The following DLGAP2 variants were observed in gnomAD, a reference collection of about 807,000 sequenced individuals.
The protein encoded by DLGAP2 is disks large-associated protein 2.
In DLGAP2, 26 loss-of-function variants were observed where a neutral mutation model predicts 100.3. The ratio of observed to expected loss-of-function variants is 0.26; its 90% confidence interval spans 0.19 to 0.36. The LOEUF (loss-of-function observed/expected upper bound fraction) is 0.36, where lower values mean the gene tolerates loss of function less well. Ranked by LOEUF, DLGAP2 falls within the 10% of genes least tolerant of loss-of-function variation. DLGAP2 has a pLI of 1.00. For missense variants in DLGAP2, 1,858 were observed against 1,453.2 expected, an observed-to-expected ratio of 1.28 and a Z score of -4.53; for synonymous variants, 886 against 630.1, an observed-to-expected ratio of 1.41 and a Z score of -6.08.
chr8:1,212,127 T>C (rs1212944341), intron 2 of DLGAP2, among the ~76,000 whole-genome samples: 1 of 152,170 alleles, frequency 6.6e-6, no homozygotes, highest in Non-Finnish European at 1.5e-5. Flanking sequence ...ATATCGAATG[T>C]GCAGAAAAAG....
chr8:1,368,070 C>T (rs557452607), intron 3 of DLGAP2, among the ~76,000 whole-genome samples: 2 of 152,186 alleles, frequency 1.3e-5, no homozygotes, highest in Non-Finnish European at 2.9e-5. Flanking sequence ...ATACCTATCA[C>T]GGCGGCCTCC....
At chr8:750,623 T>A (rs1820765761) in intron 1 of DLGAP2, among the ~76,000 whole-genome samples, 1 of 152,230 alleles carries the variant, frequency 6.6e-6, no homozygotes, top group Non-Finnish European at 1.5e-5. Context: ...ATTTTACAGA[T>A]AATTAACGGC....
At chr8:1,243,097 A>C (rs1339969666) in intron 2 of DLGAP2, among the ~76,000 whole-genome samples, 1 of 152,046 alleles carries the variant, frequency 6.6e-6, no homozygotes, top group East Asian at 1.9e-4. Flanking sequence ...GTTTTTCCTG[A>C]CTGCTTGAAT....
intron 3 of DLGAP2, among the ~76,000 whole-genome samples, chr8:1,447,412 A>G (rs1374727566): frequency 6.6e-6 from 1 of 152,244 alleles, no homozygotes; most frequent in African/African-American, 2.4e-5. Context: ...ATGTTGAACC[A>G]TCCTTGCATC....
intron 6 of DLGAP2, among the ~76,000 whole-genome samples, chr8:1,610,392 T>G (rs1217292427): frequency 6.6e-6 from 1 of 150,728 alleles, no homozygotes; most frequent in South Asian, 2.1e-4. Context: ...CAAAGCAGTG[T>G]GTAGAGGGAA....
At chr8:1,392,169 C>T (rs17827850) in intron 3 of DLGAP2, among the ~76,000 whole-genome samples, 8,672 of 152,168 alleles carry the variant, frequency 0.057, 508 homozygotes, top group East Asian at 0.24. Context: ...AAAACAAGAC[C>T]CCTGAGTTCC....
chr8:1,234,784 A>T (rs1214700489), intron 2 of DLGAP2, among the ~76,000 whole-genome samples: 1 of 152,182 alleles, frequency 6.6e-6, no homozygotes, highest in African/African-American at 2.4e-5. Flanking sequence ...GCCTTGCGCA[A>T]CTGGGGCCTT....
At chr8:1,081,154 C>G in intron 2 of DLGAP2, among the ~76,000 whole-genome samples, 1 of 152,062 alleles carries the variant, frequency 6.6e-6, no homozygotes, top group East Asian at 1.9e-4. Context: ...ACTGTTTTCT[C>G]GTTTCTGAAA....
At position 1,182,173 on chromosome 8, in the gene DLGAP2, C is replaced by T. The variant is rs79959889; in HGVS notation, c.74-76678C>T. ...ATGTGTGGCTGCCACTTCGTTTGCA[C>T]GGGGCATCTCAGTCACGGTGCTCTA... On this transcript the variant is annotated intron_variant, in intron 2 of 14. Transcript: ENST00000637795. Among the ~76,000 whole-genome samples the T allele has an allele frequency of 9.2e-5, 14 of 152,334 alleles. No homozygotes were observed. The East Asian group carries it at 2.1e-3, about 23-fold the overall frequency.
chr8:777,265 C>A (rs1330467516), intron 1 of DLGAP2, among the ~76,000 whole-genome samples: 1 of 150,660 alleles, frequency 6.6e-6, no homozygotes, highest in Admixed American at 6.6e-5. Context: ...AGATGGGTTT[C>A]CTGAATACAG....
At chr8:1,205,928 G>A (rs1426762297) in intron 2 of DLGAP2, among the ~76,000 whole-genome samples, 1 of 152,182 alleles carries the variant, frequency 6.6e-6, no homozygotes, top group African/African-American at 2.4e-5. Flanking sequence ...TGAGGCAGGA[G>A]GATCACTTGA....
intron 2 of DLGAP2, among the ~76,000 whole-genome samples, chr8:974,708 G>T (rs1800119147): frequency 2.0e-5 from 3 of 152,014 alleles, no homozygotes; most frequent in Admixed American, 2.0e-4. Flanking sequence ...AAGTAAAAAT[G>T]AAAATTCAAC....
At position 1,685,207 on chromosome 8, in the gene DLGAP2, C is replaced by T. The variant is rs372028294; in HGVS notation, c.2705-6328C>T. Among the ~76,000 whole-genome samples, 195 of 151,860 alleles carry T rather than the reference C, an allele frequency of 1.3e-3. 2 individuals are homozygous for T. The highest frequency in any genetic ancestry group is 3.9e-3 in the African/African-American group (160 of 41,222). The stretch of plus-strand genomic sequence containing the variant: ...CAGCGGTCAGCAGCTGACAAAGAGC[C>T]CAGAGAGACTCTGAGAATGAGCAGA... On this transcript the variant is annotated intron_variant, in intron 12 of 14. Transcript: ENST00000637795.
intron 2 of DLGAP2, among the ~76,000 whole-genome samples, chr8:942,366 C>T (rs1164535262): frequency 2.6e-5 from 4 of 152,216 alleles, no homozygotes; most frequent in East Asian, 1.9e-4. Context: ...GCACACTCAG[C>T]ACTCACCTTA....
Position 1,668,695 on chromosome 8 carries a change from G to A in DLGAP2, c.2160+17G>A, listed in dbSNP as rs773374007. ...GGGATTCAGGTAGCTGCTCTTGGCC[G>A]CCCGTCAGGGCCTCGCTCCACTCAG... On this transcript the variant is annotated intron_variant, in intron 9 of 14. Transcript: ENST00000637795. The A allele has an allele frequency of 2.7e-5, 40 of 1,502,278 alleles. No individual in the cohort carries two copies. In the African/African-American group the frequency reaches 3.9e-4, roughly 15 times the overall value. 93.1% of individuals were successfully genotyped at this position (1,502,278 alleles called of 1,614,324 possible). A position where few individuals can be genotyped will look rare whatever the true frequency, so the allele number is the denominator to read the frequency against.
intron 3 of DLGAP2, among the ~76,000 whole-genome samples, chr8:1,304,691 A>C (rs897930145): frequency 6.6e-6 from 1 of 152,200 alleles, no homozygotes; most frequent in African/African-American, 2.4e-5. Context: ...GGCAGGAGAG[A>C]GAATGAAGGA....
intron 6 of DLGAP2, among the ~76,000 whole-genome samples, chr8:1,599,177 T>C (rs1367755614): frequency 1.3e-5 from 2 of 152,232 alleles, no homozygotes; most frequent in African/African-American, 4.8e-5. Context: ...TTGTGCAGTT[T>C]TGAGTGAGAT....
chr8:1,042,058 G>A lies in DLGAP2; in HGVS notation c.73+134092G>A, dbSNP rs146966252. On this transcript the variant is annotated intron_variant, in intron 2 of 14. Coordinates refer to ENST00000637795, the MANE Select transcript of DLGAP2 (RefSeq NM_001346810.2). ...TGATTTGCAGAGCAGAACGGCCAGG[G>A]AGTGTCTCTGGGCCGTGTCCTCAGA... is the stretch of plus-strand genomic sequence containing the variant. Among the ~76,000 whole-genome samples the A allele has an allele frequency of 8.3e-3, 1,269 of 152,310 alleles. 14 individuals carry two copies. Among genetic ancestry groups the A allele is most frequent in the Middle Eastern group, 0.017 (5 of 294 alleles).
At chr8:1,469,954 A>G (rs1798732563) in intron 3 of DLGAP2, among the ~76,000 whole-genome samples, 1 of 151,832 alleles carries the variant, frequency 6.6e-6, no homozygotes, top group African/African-American at 2.4e-5. Flanking sequence ...CCAGAAGTTC[A>G]AGATCAGCCT....
Sources: gnomAD v4.1 joint callset for allele counts (sites outside exome capture counted in the v4.1 genomes callset) on GRCh38, gnomAD v4.1.1 for gene constraint, MANE v1.5 for transcripts, NCBI Gene and HGNC (gene_info 2026-07-23, HGNC 2026-07-21) for gene names.